The following STAU2 variants were observed in gnomAD, a reference collection of about 807,000 sequenced individuals.
STAU2 encodes the protein staufen double-stranded RNA binding protein 2, also known as double-stranded RNA-binding protein Staufen homolog 2.
A neutral mutation model predicts 65.9 loss-of-function variants in STAU2; 20 were observed. That is an observed-to-expected ratio of 0.30 (90% CI 0.21 to 0.44). The LOEUF is 0.44. Ranked by LOEUF, STAU2 falls within the 20% of genes least tolerant of loss-of-function variation. The probability of loss-of-function intolerance (pLI) is 1.00; values close to 1 mark genes in which losing one functional copy is unlikely to be tolerated. For synonymous variants in STAU2, 232 were observed against 233.9 expected (o/e 0.99, Z 0.07); for missense variants, 558 against 683.9 (o/e 0.82, Z 2.05).
intron 11 of STAU2, among the ~76,000 whole-genome samples, chr8:73,588,485 C>A (rs968228500): frequency 1.3e-5 from 2 of 152,172 alleles, no homozygotes; most frequent in Admixed American, 6.5e-5. Context: ...CAACTTGGTG[C>A]AGGAATGCAG....
chr8:73,716,874 C>T (rs1586338648), intron 3 of STAU2, among the ~76,000 whole-genome samples: 1 of 152,178 alleles, frequency 6.6e-6, no homozygotes, highest in South Asian at 2.1e-4. Flanking sequence ...GAGGCCAAGG[C>T]AGGTGGATCG....
At chr8:73,569,500 AGACTGCCACCTCAAGTGGGTCCCT>A (rs1365942820) in intron 12 of STAU2, among the ~76,000 whole-genome samples, 1 of 152,172 alleles carries the variant, frequency 6.6e-6, no homozygotes, top group African/African-American at 2.4e-5. Context: ...GAGAACAGAC[AGACTGCCACCTCAAGTGGGTCCCT>A]GACCCCCGAG....
intron 3 of STAU2, among the ~76,000 whole-genome samples, chr8:73,720,509 T>C (rs1420097930): frequency 2.0e-5 from 1 of 50,954 alleles, no homozygotes; most frequent in African/African-American, 1.1e-4. Flanking sequence ...CTTTTTTTTT[T>C]TTTTTTTTTT....
intron 3 of STAU2, among the ~76,000 whole-genome samples, chr8:73,727,557 T>C (rs1805736664): frequency 6.6e-6 from 1 of 152,272 alleles, no homozygotes; most frequent in Non-Finnish European, 1.5e-5. Context: ...ACTTCATTTC[T>C]TTACTGCTAG....
intron 9 of STAU2, among the ~76,000 whole-genome samples, chr8:73,608,273 G>A (rs1951166011): frequency 6.6e-6 from 1 of 152,108 alleles, no homozygotes; most frequent in African/African-American, 2.4e-5. Context: ...GGACAAAAGA[G>A]TGGCAGAAGG....
At chr8:73,473,887 A>T (rs1431033699) in intron 13 of STAU2, among the ~76,000 whole-genome samples, 1 of 152,220 alleles carries the variant, frequency 6.6e-6, no homozygotes, top group East Asian at 1.9e-4. Context: ...GTGAGAAAAA[A>T]GGAGATGGAA....
At chr8:73,422,785 G>A in intron 13 of STAU2, 83 bp from the exon 14 acceptor site, 1 of 1,025,382 alleles carries the variant, frequency 9.8e-7, no homozygotes, top group South Asian at 2.2e-5. Flanking sequence ...GAGATAGAAA[G>A]ACTCATTTTC....
intron 6 of STAU2, among the ~76,000 whole-genome samples, chr8:73,649,982 C>G (rs1815737790): frequency 6.7e-6 from 1 of 148,534 alleles, no homozygotes; most frequent in Non-Finnish European, 1.5e-5. Context: ...GACAAAAACA[C>G]AGTAACACTG....
At chr8:73,545,846 A>C (rs1323145174) in intron 13 of STAU2, among the ~76,000 whole-genome samples, 1 of 145,930 alleles carries the variant, frequency 6.9e-6, no homozygotes, top group Non-Finnish European at 1.5e-5. Context: ...ACGGGGTTTC[A>C]CCGTGTTAGC....
intron 13 of STAU2, among the ~76,000 whole-genome samples, chr8:73,435,076 G>A (rs151049845): frequency 1.3e-5 from 2 of 151,818 alleles, no homozygotes; most frequent in East Asian, 3.9e-4. Flanking sequence ...CACGCTCCCT[G>A]GCCAGCTGGT....
intron 13 of STAU2, among the ~76,000 whole-genome samples, chr8:73,467,517 G>A (rs1286397896): frequency 7.9e-5 from 12 of 152,102 alleles, no homozygotes; most frequent in East Asian, 1.9e-4. Context: ...GGGAGACAGC[G>A]AGACTCTGTC....
chr8:73,546,777 G>A (rs1269433546), intron 13 of STAU2, among the ~76,000 whole-genome samples: 1 of 152,206 alleles, frequency 6.6e-6, no homozygotes. Context: ...AAAGGGAAAT[G>A]CTGGACTCAC....
At chr8:73,614,056 G>T in intron 8 of STAU2, 100 bp from the exon 9 acceptor site, 1 of 827,888 alleles carries the variant, frequency 1.2e-6, no homozygotes, top group Non-Finnish European at 1.8e-6. Context: ...TTAGTATTAT[G>T]CCAAAATTAT....
chr8:73,711,262 T>C (rs1186773724), intron 3 of STAU2, among the ~76,000 whole-genome samples: 38 of 151,808 alleles, frequency 2.5e-4, no homozygotes, highest in South Asian at 2.1e-4. Context: ...ACAAATTTTA[T>C]AAAACATCCT....
At chr8:73,562,713 A>AT (rs1481868125) in intron 12 of STAU2, among the ~76,000 whole-genome samples, 1 of 152,184 alleles carries the variant, frequency 6.6e-6, no homozygotes, top group Non-Finnish European at 1.5e-5. Flanking sequence ...TGATTTAACA[A>AT]TTTACTACAC....
chr8:73,744,161 CT>C (rs200716659), intron 1 of STAU2, among the ~76,000 whole-genome samples: 2,453 of 152,184 alleles, frequency 0.016, 41 homozygotes, highest in Non-Finnish European at 0.027. Context: ...GGCTTGACCT[CT>C]AGGACAACAT....
intron 13 of STAU2, among the ~76,000 whole-genome samples, chr8:73,524,437 GC>G (rs1358253020): frequency 2.6e-5 from 4 of 152,134 alleles, no homozygotes; most frequent in African/African-American, 9.7e-5. Context: ...TGATCATTTT[GC>G]ATATCCGTAT....
At chr8:73,679,098 TA>T (rs1427625103) in intron 5 of STAU2, among the ~76,000 whole-genome samples, 2 of 152,216 alleles carry the variant, frequency 1.3e-5, no homozygotes, top group African/African-American at 4.8e-5. Context: ...CCACTTGAAT[TA>T]ATCAGTTAAC....
chr8:73,444,967 G>A (rs960076438), intron 13 of STAU2, among the ~76,000 whole-genome samples: 8 of 152,168 alleles, frequency 5.3e-5, no homozygotes, highest in Admixed American at 2.0e-4. Context: ...AGGCATCCTC[G>A]CACTCTTCAC....
Sources: allele counts gnomAD v4.1 joint callset (sites outside exome capture counted in the v4.1 genomes callset), GRCh38; gene constraint gnomAD v4.1.1; transcripts MANE v1.5; gene names NCBI Gene and HGNC (gene_info 2026-07-23, HGNC 2026-07-21).